Variants in CYP11A1 observed in about 807,000 individuals in gnomAD.
CYP11A1 encodes the protein cholesterol side-chain cleavage enzyme, mitochondrial.
A neutral mutation model predicts 51.9 loss-of-function variants in CYP11A1; 25 were observed. The ratio of observed to expected loss-of-function variants is 0.48; its 90% CI spans 0.35 to 0.67. The LOEUF is 0.67. CYP11A1 is among the 30% of genes least tolerant of loss of function. The pLI is 0.00. For synonymous variants in CYP11A1, 245 were observed against 262.1 expected (o/e 0.93, Z 0.63); for missense variants, 578 against 680.9 (o/e 0.85, Z 1.68).
At chr15:74,357,172 A>G (rs570658456) in intron 1 of CYP11A1, among the ~76,000 whole-genome samples, 2 of 152,184 alleles carry the variant, frequency 1.3e-5, no homozygotes, top group Admixed American at 1.3e-4. Context: ...TCTGTTCTGG[A>G]TCTCAAACAT....
In CYP11A1 at chr15:74,348,038, A is replaced by C; in HGVS notation, c.287T>G (p.Val96Gly). Residue 96 changes from valine (V) to glycine (G), a missense_variant, in exon 2 of 9, where the codon GTG becomes GGG. Coordinates refer to ENST00000268053, the MANE Select transcript of CYP11A1 (RefSeq NM_000781.3). ...AGGGTCGATGACATAAACCGACTCC[A>C]CGTTGCCGAGCTTCTCCCTGGAGGG... ...GPIYREKLGN[V>G]ESVYVIDPED... 1 of 1,614,142 alleles carries C rather than the reference A, an allele frequency of 6.2e-7. No individual in the cohort carries two copies.
At chr15:74,353,556 C>A (rs1328385874) in intron 1 of CYP11A1, among the ~76,000 whole-genome samples, 1 of 152,010 alleles carries the variant, frequency 6.6e-6, no homozygotes, top group Non-Finnish European at 1.5e-5. Flanking sequence ...TTGTTAATTG[C>A]ACAGGATGTA....
chr15:74,344,436 A>G (rs1333045079), intron 3 of CYP11A1, among the ~76,000 whole-genome samples: 2 of 152,230 alleles, frequency 1.3e-5, no homozygotes, highest in South Asian at 4.1e-4. Context: ...GGACCTAAGA[A>G]GTTACAACAG....
intron 5 of CYP11A1, among the ~76,000 whole-genome samples, chr15:74,340,429 T>C (rs761704966): frequency 3.3e-5 from 5 of 152,156 alleles, no homozygotes; most frequent in Non-Finnish European, 7.4e-5. Flanking sequence ...CCAGGCCCGT[T>C]TGGGACTCCA....
At position 74,339,577 on chromosome 15, in the gene CYP11A1, G is replaced by C; in HGVS notation, c.1157+10C>G. On this transcript the variant is annotated intron_variant, in intron 6 of 8. Transcript: ENST00000268053. ...GGAGTTGGGGGCGGCATGGGTGGTT[G>C]TGGGCTTGCCTTAGTGTCTCCTTGA... 1.2e-6 allele frequency: 2 copies of C among 1,612,334 alleles called. No homozygotes were observed. The highest frequency in any genetic ancestry group is 8.5e-7 in the Non-Finnish European group (1 of 1,178,542).
At chr15:74,344,983 G>A (rs759720679) in intron 3 of CYP11A1, 61 bp downstream of exon 3, 1 of 1,461,978 alleles carries the variant, frequency 6.8e-7, no homozygotes, top group African/African-American at 1.4e-5. Flanking sequence ...CAAGGTAAGA[G>A]AGTGAACACT....
chr15:74,343,183 G>A (rs368933737), intron 4 of CYP11A1, 46 bp from the exon 5 acceptor site: 14 of 1,605,752 alleles, frequency 8.7e-6, no homozygotes, highest in Middle Eastern at 3.9e-4. Context: ...CCCTGCAGGC[G>A]GGTGGGAAGG....
At chr15:74,349,556 C>T (rs1567054365) in intron 1 of CYP11A1, among the ~76,000 whole-genome samples, 1 of 152,270 alleles carries the variant, frequency 6.6e-6, no homozygotes, top group South Asian at 2.1e-4. Flanking sequence ...AGCTCCATAC[C>T]CCTAACCAAG....
intron 8 of CYP11A1, 196 bp from the exon 9 acceptor site, chr15:74,338,299 G>C: frequency 2.7e-6 from 2 of 729,198 alleles, no homozygotes; most frequent in Non-Finnish European, 4.7e-6. Flanking sequence ...TTTAGGCCTA[G>C]ACCTTAACTT....
intron 1 of CYP11A1, chr15:74,362,492 A>ATTTT: frequency 6.5e-6 from 1 of 154,858 alleles, no homozygotes; most frequent in Non-Finnish European, 1.4e-5. Flanking sequence ...ATCTGCTGGA[A>ATTTT]ACATCAGAGA....
intron 2 of CYP11A1, among the ~76,000 whole-genome samples, chr15:74,346,193 A>C (rs1400260676): frequency 6.6e-6 from 1 of 152,004 alleles, no homozygotes; most frequent in Admixed American, 6.6e-5. Context: ...TCTCTACTGA[A>C]AATACAAAAA....
In CYP11A1 at chr15:74,345,073, C is replaced by T. The variant is rs1221628165; in HGVS notation, c.596G>A (p.Ser199Asn). Reference sequence around the variant, plus strand: ...AAAGGCAAAGCGGAACAGGTCATCACTGATGTCCCCCGAGTAATTTCCGGA... The same window carrying T: ...AAAGGCAAAGCGGAACAGGTCATCATTGATGTCCCCCGAGTAATTTCCGGA... ...AGSGNYSGDI[S>N]DDLFRFAFES... The change falls in exon 3 of 9, where the codon AGT becomes AAT. Residue 199 changes from serine to asparagine, a missense_variant. Transcript: ENST00000268053. The surrounding 1 kb of genome is among the most constrained non-coding windows in gnomAD (Gnocchi z 4.3). 1 of 1,614,066 alleles carries T rather than the reference C, an allele frequency of 6.2e-7. No homozygotes were observed. The highest frequency in any genetic ancestry group is 8.5e-7 in the Non-Finnish European group (1 of 1,179,918).
chr15:74,340,613 G>A (rs2060602046), intron 5 of CYP11A1, among the ~76,000 whole-genome samples: 2 of 152,260 alleles, frequency 1.3e-5, no homozygotes, highest in South Asian at 2.1e-4. Flanking sequence ...ATGGCAGGCA[G>A]GGTCCTAAGC....
At chr15:74,367,280 C>T in intron 1 of CYP11A1, 37 bp downstream of exon 1, 6 of 1,614,024 alleles carry the variant, frequency 3.7e-6, no homozygotes, top group Non-Finnish European at 5.1e-6. Context: ...CCCTCCTCCT[C>T]CCTGTCCCTT....
Position 74,342,961 on chromosome 15 carries a change from C to T in CYP11A1, c.990+16G>A, listed in dbSNP as rs754876293. 6.2e-7 allele frequency: 1 copy of T among 1,612,078 alleles called. No individual in the cohort carries two copies. The highest frequency in any genetic ancestry group is 1.3e-5 in the African/African-American group (1 of 74,970). On this transcript the variant is annotated intron_variant, in intron 5 of 8. Transcript: ENST00000268053. ...GCACAGGGGGCAACAAGGTGCCGCCCCTACAGCCACCTCACCGTGTCCACC... is the reference window on the plus strand; with the variant it reads ...GCACAGGGGGCAACAAGGTGCCGCCTCTACAGCCACCTCACCGTGTCCACC...
In CYP11A1 at chr15:74,345,987, C is replaced by T. The variant is rs772911945; in HGVS notation, c.426-744G>A. ...TAGAATCCCTTGCTCTCATTTGTGT[C>T]TAATTTTATCTGATCTCCATTTATT... On this transcript the variant is annotated intron_variant, in intron 2 of 8. Coordinates refer to ENST00000268053, the MANE Select transcript of CYP11A1 (RefSeq NM_000781.3). The surrounding 1 kb of genome is among the most constrained non-coding windows in gnomAD (Gnocchi z 4.3). Among the ~76,000 whole-genome samples, 20 of 152,190 alleles carry T rather than the reference C, an allele frequency of 1.3e-4. No individual in the cohort carries two copies. Among genetic ancestry groups the T allele is most frequent in the Non-Finnish European group, 2.9e-4 (20 of 68,034 alleles).
chr15:74,339,560 G>A, intron 6 of CYP11A1, 27 bp downstream of exon 6: 1 of 1,608,616 alleles, frequency 6.2e-7, no homozygotes, highest in Non-Finnish European at 8.5e-7. Context: ...TTGGAGTTGG[G>A]GGCGGCATGG....
In CYP11A1 at chr15:74,367,562, T is replaced by C; in HGVS notation, c.24A>G (p.Pro8=). 1 of 1,614,010 alleles carries C rather than the reference T, an allele frequency of 6.2e-7. No homozygotes were observed. The highest frequency in any genetic ancestry group is 1.1e-5 in the South Asian group (1 of 91,076). ...GGCAGCCTTTGACCAGGACTGAGCG[T>C]GGGGGAAGACCCTTGGCCAGCATGC... is the stretch of plus-strand genomic sequence containing the variant. MLAKGLP[P]RSVLVKGCQT... is the part of the protein sequence containing the mutation. Residue 8 remains proline (P), a synonymous_variant, in exon 1 of 9, where the codon CCA becomes CCG. Coordinates refer to ENST00000268053, the MANE Select transcript of CYP11A1 (RefSeq NM_000781.3).
In CYP11A1 at chr15:74,345,389, C is replaced by T. The variant is rs373898764; in HGVS notation, c.426-146G>A. On this transcript the variant is annotated intron_variant, in intron 2 of 8. Transcript: ENST00000268053. The surrounding 1 kb of genome is among the most constrained non-coding windows in gnomAD (Gnocchi z 4.3). ...ACCAGGGCCTCTGCCCTCACCTCTC[C>T]GAGCACCCTCTGCCTCTCACCTCCT... 2.9e-5 allele frequency: 23 copies of T among 783,038 alleles called. 1 individual carries two copies. The African/African-American group carries it at 3.3e-4, about 11-fold the overall frequency. 48.5% of individuals were successfully genotyped at this position (783,038 alleles called of 1,614,324 possible).
Sources: allele counts gnomAD v4.1 joint callset (sites outside exome capture counted in the v4.1 genomes callset), GRCh38; gene constraint gnomAD v4.1.1; non-coding constraint Gnocchi (gnomAD v3.1); transcripts MANE v1.5; gene names NCBI Gene and HGNC (gene_info 2026-07-23, HGNC 2026-07-21).